BTBD9: variants seen among roughly 807,000 people sequenced by gnomAD.
BTBD9 encodes the protein BTB/POZ domain-containing protein 9.
Under a neutral mutation model 64.3 loss-of-function variants are expected in BTBD9, and 49 were observed. The observed-to-expected ratio is 0.76, with a 90% CI of 0.61 to 0.97. The LOEUF (loss-of-function observed/expected upper bound fraction) is 0.97, where lower values mean the gene tolerates loss of function less well. Among genes scored for constraint, BTBD9 ranks in the 50% least tolerant of loss-of-function variants. BTBD9 has a pLI of 0.00. For missense variants in BTBD9, 598 were observed against 762.1 expected, an observed-to-expected ratio of 0.78 and a Z score of 2.53; for synonymous variants, 260 against 274.7, an observed-to-expected ratio of 0.95 and a Z score of 0.53.
intron 7 of BTBD9, among the ~76,000 whole-genome samples, chr6:38,315,438 T>C (rs1276170329): frequency 6.6e-6 from 1 of 152,154 alleles, no homozygotes; most frequent in Non-Finnish European, 1.5e-5. Flanking sequence ...ACTTCTCTTT[T>C]AGTACCGCTT....
chr6:38,587,019 T>A (rs1852979), intron 4 of BTBD9, among the ~76,000 whole-genome samples: 2 of 151,166 alleles, frequency 1.3e-5, no homozygotes, highest in Non-Finnish European at 2.9e-5. Context: ...GCCGAGATTG[T>A]GTCGTTGCAT....
chr6:38,410,015 T>C (rs1180421211), intron 6 of BTBD9, among the ~76,000 whole-genome samples: 1 of 152,150 alleles, frequency 6.6e-6, no homozygotes, highest in African/African-American at 2.4e-5. Context: ...TTATATTTTC[T>C]GGGCTCTAAC....
At chr6:38,495,522 G>A (rs1771914646) in intron 6 of BTBD9, among the ~76,000 whole-genome samples, 1 of 152,222 alleles carries the variant, frequency 6.6e-6, no homozygotes, top group South Asian at 2.1e-4. Flanking sequence ...AAGACCCAAA[G>A]ATGGTTCTGG....
chr6:38,371,798 C>T (rs1477679055), intron 6 of BTBD9, among the ~76,000 whole-genome samples: 1 of 152,080 alleles, frequency 6.6e-6, no homozygotes, highest in Non-Finnish European at 1.5e-5. Flanking sequence ...GACTGTTTTT[C>T]GTTAATGTCC....
chr6:38,326,015 A>C (rs188980124), intron 7 of BTBD9, among the ~76,000 whole-genome samples: 1 of 152,340 alleles, frequency 6.6e-6, no homozygotes, highest in East Asian at 1.9e-4. Context: ...TGAAAGAAAA[A>C]AACTCCACAT....
chr6:38,544,347 A>G (rs1716486272), intron 6 of BTBD9, among the ~76,000 whole-genome samples: 1 of 152,150 alleles, frequency 6.6e-6, no homozygotes, highest in Non-Finnish European at 1.5e-5. Context: ...ACTATATATT[A>G]TAAGCTGATA....
chr6:38,463,129 T>C (rs1770180776), intron 6 of BTBD9, among the ~76,000 whole-genome samples: 1 of 152,198 alleles, frequency 6.6e-6, no homozygotes, highest in Non-Finnish European at 1.5e-5. Context: ...TTCCCCTAAG[T>C]ATTTCAAATC....
chr6:38,504,353 T>C (rs965072989), intron 6 of BTBD9: 25 of 304,204 alleles, frequency 8.2e-5, no homozygotes, highest in African/African-American at 5.4e-4. Flanking sequence ...GATGATGGGC[T>C]ATTATTTTAC....
chr6:38,450,396 G>A (rs766137072), intron 6 of BTBD9, among the ~76,000 whole-genome samples: 3 of 152,154 alleles, frequency 2.0e-5, no homozygotes, highest in African/African-American at 4.8e-5. Flanking sequence ...CTTGAAAAAC[G>A]CTGAGAGAGT....
chr6:38,251,083 GAAAA>G (rs1255908627), intron 9 of BTBD9, among the ~76,000 whole-genome samples: 2 of 137,290 alleles, frequency 1.5e-5, no homozygotes, highest in Non-Finnish European at 3.2e-5. Context: ...CTATGTCTCA[GAAAA>G]AAAAAAAATA....
intron 10 of BTBD9, among the ~76,000 whole-genome samples, chr6:38,180,407 G>A (rs1397897326): frequency 6.6e-6 from 1 of 152,182 alleles, no homozygotes; most frequent in Non-Finnish European, 1.5e-5. Context: ...TGGCAGCTTG[G>A]AGGAAGTCAT....
intron 6 of BTBD9, among the ~76,000 whole-genome samples, chr6:38,425,752 T>TAA (rs755397152): frequency 7.4e-6 from 1 of 135,610 alleles, no homozygotes; most frequent in Non-Finnish European, 1.6e-5. Context: ...TACCAATAAC[T>TAA]AAAAAAAAAA....
At chr6:38,410,518 T>A (rs1767376211) in intron 6 of BTBD9, among the ~76,000 whole-genome samples, 1 of 152,172 alleles carries the variant, frequency 6.6e-6, no homozygotes, top group Non-Finnish European at 1.5e-5. Flanking sequence ...GTTAATGGAA[T>A]AATCTCAAAA....
At chr6:38,447,999 G>A (rs890780504) in intron 6 of BTBD9, among the ~76,000 whole-genome samples, 2 of 152,138 alleles carry the variant, frequency 1.3e-5, no homozygotes, top group Non-Finnish European at 2.9e-5. Flanking sequence ...TCTCCAAAAG[G>A]CAATTTATGG....
Position 38,170,635 on chromosome 6 carries a change from C to T in BTBD9, c.*4350G>A, listed in dbSNP as rs186644059. 1.2e-4 allele frequency: 18 copies of T among 152,348 alleles called. No individual in the cohort carries two copies. Among genetic ancestry groups the T allele is most frequent in the African/African-American group, 4.1e-4 (17 of 41,570 alleles). 9.4% of individuals were successfully genotyped at this position (152,348 alleles called of 1,614,324 possible). On this transcript the variant is annotated 3_prime_UTR_variant, in exon 11 of 11. Coordinates refer to ENST00000481247, the MANE Select transcript of BTBD9 (RefSeq NM_001099272.2). ...CAGTTGTCCTGCATGCCATTTAAAC[C>T]TTGCCCTTCCCTCTCTTCTGGAAAC...
chr6:38,619,115 A>T (rs1002623750), intron 1 of BTBD9, among the ~76,000 whole-genome samples: 7 of 152,160 alleles, frequency 4.6e-5, no homozygotes, highest in Admixed American at 3.9e-4. Context: ...TGGCTATGGG[A>T]GGACTTAAGA....
chr6:38,597,606 G>A (rs1010175918), intron 2 of BTBD9, among the ~76,000 whole-genome samples: 2 of 152,112 alleles, frequency 1.3e-5, no homozygotes, highest in African/African-American at 4.8e-5. Flanking sequence ...CCATCTACTG[G>A]GAGGAGACAG....
intron 8 of BTBD9, among the ~76,000 whole-genome samples, chr6:38,277,385 G>A (rs2127548334): frequency 6.6e-6 from 1 of 151,780 alleles, no homozygotes; most frequent in East Asian, 1.9e-4. Flanking sequence ...CCAGGCTGGA[G>A]TGCAGGGGCG....
At chr6:38,398,337 T>G (rs1355187247) in intron 6 of BTBD9, among the ~76,000 whole-genome samples, 4 of 152,184 alleles carry the variant, frequency 2.6e-5, no homozygotes, top group Non-Finnish European at 5.9e-5. Flanking sequence ...TCTCTCTTTC[T>G]TCTCTGTCCC....
Sources: allele counts gnomAD v4.1 joint callset (sites outside exome capture counted in the v4.1 genomes callset), GRCh38; gene constraint gnomAD v4.1.1; transcripts MANE v1.5; gene names NCBI Gene and HGNC (gene_info 2026-07-23, HGNC 2026-07-21).